SEMA3D: variants seen among roughly 807,000 people sequenced by gnomAD.
The protein encoded by SEMA3D is semaphorin 3D.
Under a neutral mutation model 100.1 loss-of-function variants are expected in SEMA3D, and 84 were observed. The observed-to-expected ratio is 0.84, with a 90% CI of 0.70 to 1.01. SEMA3D has a LOEUF of 1.01. Ranked by LOEUF, SEMA3D falls within the 50% of genes least tolerant of loss-of-function variation. The pLI is 0.00. For missense variants in SEMA3D, 875 were observed against 934.1 expected (o/e 0.94, Z 0.82); for synonymous variants, 312 against 320.7 (o/e 0.97, Z 0.29).
At chr7:85,052,713 C>T (rs148346935) in intron 9 of SEMA3D, among the ~76,000 whole-genome samples, 1 of 152,024 alleles carries the variant, frequency 6.6e-6, no homozygotes, top group East Asian at 1.9e-4. Flanking sequence ...CCTCACTATA[C>T]TAAAAGCTTT....
the SEMA3D span, among the ~76,000 whole-genome samples, chr7:85,203,203 A>G: frequency 6.6e-6 from 1 of 152,216 alleles, no homozygotes; most frequent in East Asian, 1.9e-4. Context: ...GATATCCAGA[A>G]GAGTGTGGGT....
At chr7:85,067,126 G>A (rs1416644930) in intron 7 of SEMA3D, among the ~76,000 whole-genome samples, 1 of 152,064 alleles carries the variant, frequency 6.6e-6, no homozygotes, top group South Asian at 2.1e-4. Context: ...CTGTCACTTT[G>A]AAACCTATAA....
At chr7:85,137,763 C>A (rs1259161812) in intron 2 of SEMA3D, among the ~76,000 whole-genome samples, 1 of 152,116 alleles carries the variant, frequency 6.6e-6, no homozygotes, top group Non-Finnish European at 1.5e-5. Flanking sequence ...ACACAAATTA[C>A]TTTCCTTATT....
chr7:85,196,517 A>T, the SEMA3D span, among the ~76,000 whole-genome samples: 1 of 152,026 alleles, frequency 6.6e-6, no homozygotes, highest in South Asian at 2.1e-4. Context: ...GAAAGTAAAA[A>T]ATCAAGCCAC....
intron 2 of SEMA3D, among the ~76,000 whole-genome samples, chr7:85,135,066 C>G (rs1257011751): frequency 2.6e-5 from 4 of 151,162 alleles, no homozygotes; most frequent in Non-Finnish European, 2.9e-5. Flanking sequence ...AGAAGGGCCA[C>G]GAGATAATGG....
At chr7:85,160,339 GA>G (rs926254895) in intron 1 of SEMA3D, among the ~76,000 whole-genome samples, 7 of 148,464 alleles carry the variant, frequency 4.7e-5, no homozygotes, top group South Asian at 2.1e-4. Flanking sequence ...ATGAAATATA[GA>G]AAAAAAAATA....
intron 12 of SEMA3D, among the ~76,000 whole-genome samples, chr7:85,026,551 A>G (rs1584533114): frequency 6.6e-6 from 1 of 152,092 alleles, no homozygotes; most frequent in South Asian, 2.1e-4. Flanking sequence ...CATACTCTGT[A>G]GTTTTCAGTC....
intron 2 of SEMA3D, chr7:85,141,973 A>G: frequency 1.0e-6 from 1 of 982,250 alleles, no homozygotes; most frequent in Non-Finnish European, 1.2e-6. Flanking sequence ...AAAGAGTTAA[A>G]AAATGCATTA....
intron 3 of SEMA3D, among the ~76,000 whole-genome samples, chr7:85,111,057 A>T (rs1583933208): frequency 6.6e-6 from 1 of 152,014 alleles, no homozygotes; most frequent in Non-Finnish European, 1.5e-5. Context: ...AACAACTTCT[A>T]TACTAGAACT....
At chr7:85,216,589 T>C in the SEMA3D span, among the ~76,000 whole-genome samples, 42 of 152,024 alleles carry the variant, frequency 2.8e-4, no homozygotes, top group Non-Finnish European at 5.3e-4. Flanking sequence ...ATGATTGCTC[T>C]TAGAATTTGA....
chr7:85,226,521 T>C, the SEMA3D span, among the ~76,000 whole-genome samples: 1 of 152,172 alleles, frequency 6.6e-6, no homozygotes, highest in African/African-American at 2.4e-5. Flanking sequence ...CAAATTTTAC[T>C]TTGATTTTTG....
intron 5 of SEMA3D, among the ~76,000 whole-genome samples, chr7:85,074,971 T>C (rs984614693): frequency 2.0e-5 from 3 of 152,220 alleles, no homozygotes; most frequent in Non-Finnish European, 4.4e-5. Context: ...TGAGAAAAGA[T>C]AAGATAAAAG....
chr7:85,152,770 T>C (rs1790465583), intron 2 of SEMA3D, among the ~76,000 whole-genome samples: 1 of 152,178 alleles, frequency 6.6e-6, no homozygotes, highest in African/African-American at 2.4e-5. Context: ...TACTTGGTGC[T>C]TACATGGTGT....
chr7:85,160,339 G>GA (rs926254895), intron 1 of SEMA3D, among the ~76,000 whole-genome samples: 21 of 148,564 alleles, frequency 1.4e-4, no homozygotes, highest in African/African-American at 4.4e-4. Flanking sequence ...ATGAAATATA[G>GA]AAAAAAAAAT....
chr7:85,151,601 G>A (rs1160772836), intron 2 of SEMA3D: 12 of 122,514 alleles, frequency 9.8e-5, no homozygotes, highest in African/African-American at 4.9e-4. Context: ...GTGTATGCGT[G>A]TGTGTGTGTG....
At chr7:85,236,827 A>G in the SEMA3D span, among the ~76,000 whole-genome samples, 4 of 152,202 alleles carry the variant, frequency 2.6e-5, no homozygotes, top group Admixed American at 2.0e-4. Flanking sequence ...AATTTTGAGT[A>G]AAGTACATAA....
intron 9 of SEMA3D, among the ~76,000 whole-genome samples, chr7:85,048,875 T>C (rs1562796653): frequency 6.6e-6 from 1 of 151,856 alleles, no homozygotes; most frequent in African/African-American, 2.4e-5. Flanking sequence ...AAATATAACA[T>C]GTAGAAACAA....
intron 3 of SEMA3D, among the ~76,000 whole-genome samples, chr7:85,106,606 T>C (rs1035413589): frequency 3.9e-5 from 6 of 152,052 alleles, no homozygotes; most frequent in African/African-American, 1.5e-4. Context: ...TTCTCAATTG[T>C]GACAGTCACA....
At chr7:85,045,221 A>G (rs1790974867) in intron 9 of SEMA3D, among the ~76,000 whole-genome samples, 1 of 152,034 alleles carries the variant, frequency 6.6e-6, no homozygotes, top group South Asian at 2.1e-4. Flanking sequence ...TAGGAGAATC[A>G]GGATAAACTG....
Sources: gnomAD v4.1 joint callset for allele counts (sites outside exome capture counted in the v4.1 genomes callset) on GRCh38, gnomAD v4.1.1 for gene constraint, MANE v1.5 for transcripts, NCBI Gene and HGNC (gene_info 2026-07-23, HGNC 2026-07-21) for gene names.